BMAL2: variants seen among roughly 807,000 people sequenced by gnomAD.
BMAL2 encodes basic helix-loop-helix ARNT-like protein 2.
At chr12:27,382,785 A>G in the BMAL2 span, among the ~76,000 whole-genome samples, 1 of 152,158 alleles carries the variant, frequency 6.6e-6, no homozygotes, top group Non-Finnish European at 1.5e-5. Context: ...AGGCAGAAGG[A>G]TGGTGATGTG....
the BMAL2 span, chr12:27,332,962 A>G: frequency 1.1e-5 from 9 of 833,278 alleles, no homozygotes; most frequent in East Asian, 5.0e-5. Flanking sequence ...AGGGCCCGCC[A>G]GTCCCCGCTT....
At chr12:27,389,204 T>C in the BMAL2 span, 1 of 1,612,004 alleles carries the variant, frequency 6.2e-7, no homozygotes, top group Non-Finnish European at 8.5e-7. Flanking sequence ...CAAAGCTTAT[T>C]TGACTTCTTA....
chr12:27,341,860 A>G, the BMAL2 span, among the ~76,000 whole-genome samples: 85 of 152,312 alleles, frequency 5.6e-4, no homozygotes, highest in Non-Finnish European at 5.9e-5. Context: ...ACATACTCCT[A>G]ATATGAAAAG....
At chr12:27,380,306 A>G in the BMAL2 span, 2 of 1,614,194 alleles carry the variant, frequency 1.2e-6, no homozygotes, top group Non-Finnish European at 8.5e-7. Context: ...CTGATTGAAG[A>G]ACTGTCTGCA....
At chr12:27,397,939 C>A in the BMAL2 span, among the ~76,000 whole-genome samples, 1 of 152,264 alleles carries the variant, frequency 6.6e-6, no homozygotes, top group Non-Finnish European at 1.5e-5. Context: ...CCAGCACCCA[C>A]TACTGCGGAC....
chr12:27,412,516 G>A, the BMAL2 span, among the ~76,000 whole-genome samples: 2 of 152,088 alleles, frequency 1.3e-5, no homozygotes, highest in African/African-American at 2.4e-5. Context: ...TAAGTGAGCA[G>A]TTAGTGATTT....
chr12:27,419,479 A>T, the BMAL2 span, among the ~76,000 whole-genome samples: 92 of 152,332 alleles, frequency 6.0e-4, no homozygotes, highest in Non-Finnish European at 1.2e-3. Flanking sequence ...ACCAACTCCC[A>T]TGATAATGAC....
the BMAL2 span, chr12:27,423,065 C>T: frequency 6.6e-6 from 1 of 152,146 alleles, no homozygotes; most frequent in Non-Finnish European, 1.5e-5. Flanking sequence ...TCTGTAGATC[C>T]TTTTGTCCTG....
chr12:27,371,433 C>T, the BMAL2 span, among the ~76,000 whole-genome samples: 1 of 152,084 alleles, frequency 6.6e-6, no homozygotes, highest in Admixed American at 6.6e-5. Context: ...AAAGAACAAC[C>T]GTGCAGGCAT....
chr12:27,346,910 T>C, the BMAL2 span, among the ~76,000 whole-genome samples: 2 of 152,112 alleles, frequency 1.3e-5, no homozygotes, highest in East Asian at 3.9e-4. Flanking sequence ...GAGTTCTCAC[T>C]CTAATTGTTT....
At chr12:27,419,539 G>A in the BMAL2 span, among the ~76,000 whole-genome samples, 2 of 152,128 alleles carry the variant, frequency 1.3e-5, no homozygotes, top group Admixed American at 1.3e-4. Flanking sequence ...CTTGTATCAG[G>A]CCTCACTTCT....
the BMAL2 span, among the ~76,000 whole-genome samples, chr12:27,384,169 G>T: frequency 6.6e-6 from 1 of 152,090 alleles, no homozygotes; most frequent in African/African-American, 2.4e-5. Flanking sequence ...TGGCTTTGTC[G>T]TCTGTGTCAT....
At chr12:27,400,207 A>G in the BMAL2 span, among the ~76,000 whole-genome samples, 1 of 152,162 alleles carries the variant, frequency 6.6e-6, no homozygotes, top group African/African-American at 2.4e-5. Flanking sequence ...ATTTTTTCTA[A>G]TAGATGTAAA....
chr12:27,392,721 A>T, the BMAL2 span, among the ~76,000 whole-genome samples: 1 of 152,234 alleles, frequency 6.6e-6, no homozygotes, highest in Admixed American at 6.5e-5. Context: ...AAGGTGGCTG[A>T]AATCTGTAAT....
chr12:27,397,925 C>G, the BMAL2 span, among the ~76,000 whole-genome samples: 1 of 152,226 alleles, frequency 6.6e-6, no homozygotes. Flanking sequence ...CATGGCATAT[C>G]CCCCCAGCAC....
chr12:27,404,871 G>A, the BMAL2 span, among the ~76,000 whole-genome samples: 4 of 152,152 alleles, frequency 2.6e-5, no homozygotes, highest in African/African-American at 7.2e-5. Flanking sequence ...TGACAGATGG[G>A]CACCTGGAAA....
the BMAL2 span, among the ~76,000 whole-genome samples, chr12:27,387,753 A>G: frequency 2.0e-5 from 3 of 152,320 alleles, 1 homozygote; most frequent in African/African-American, 7.2e-5. Flanking sequence ...TCTGAAATAC[A>G]TCTTTCATTT....
At chr12:27,355,359 T>C in the BMAL2 span, among the ~76,000 whole-genome samples, 1 of 152,220 alleles carries the variant, frequency 6.6e-6, no homozygotes, top group African/African-American at 2.4e-5. Context: ...TCTTCACCTC[T>C]GAATCCCCAA....
At chr12:27,423,280 C>T in the BMAL2 span, 3 of 149,880 alleles carry the variant, frequency 2.0e-5, no homozygotes, top group Admixed American at 6.6e-5. Context: ...ACAAATTGCA[C>T]GAAAGTATCA....
Sources: allele counts gnomAD v4.1 joint callset (sites outside exome capture counted in the v4.1 genomes callset), GRCh38; gene constraint gnomAD v4.1.1; transcripts MANE v1.5; gene names NCBI Gene and HGNC (gene_info 2026-07-23, HGNC 2026-07-21).